THSD7A: variants seen among roughly 807,000 people sequenced by gnomAD.
The protein encoded by THSD7A is thrombospondin type 1 domain containing 7A.
THSD7A carries 96 observed loss-of-function variants against 231.3 expected under a neutral mutation model. The observed-to-expected ratio is 0.41, with a 90% CI of 0.35 to 0.49. The LOEUF is 0.49. THSD7A is among the 20% of genes least tolerant of loss of function. The probability of loss-of-function intolerance (pLI) is 0.05; values close to 1 mark genes in which losing one functional copy is unlikely to be tolerated. For synonymous variants in THSD7A, 940 were observed against 743.3 expected, an observed-to-expected ratio of 1.26 and a Z score of -4.30; for missense variants, 2,290 against 2,070.2, an observed-to-expected ratio of 1.11 and a Z score of -2.06.
intron 6 of THSD7A, among the ~76,000 whole-genome samples, chr7:11,491,645 G>T (rs557017258): frequency 9.2e-4 from 140 of 152,220 alleles, no homozygotes; most frequent in African/African-American, 3.0e-3. Context: ...CATTTGAAGA[G>T]TTAATCAATA....
chr7:11,777,804 C>A (rs1330224547), intron 1 of THSD7A, among the ~76,000 whole-genome samples: 2 of 152,072 alleles, frequency 1.3e-5, no homozygotes, highest in African/African-American at 4.8e-5. Flanking sequence ...TAAATTATAA[C>A]CCTGAATGTA....
At chr7:11,412,520 G>T in intron 18 of THSD7A, 136 bp downstream of exon 18, 1 of 1,002,000 alleles carries the variant, frequency 1.0e-6, no homozygotes, top group Non-Finnish European at 1.4e-6. Context: ...CATTTAATAT[G>T]TAATTATTTC....
At chr7:11,398,824 G>A (rs144555685) in intron 23 of THSD7A, among the ~76,000 whole-genome samples, 19 of 152,296 alleles carry the variant, frequency 1.2e-4, no homozygotes, top group African/African-American at 4.3e-4. Flanking sequence ...ACATTTATTA[G>A]TTAACAAAAG....
intron 9 of THSD7A, among the ~76,000 whole-genome samples, chr7:11,465,175 C>A (rs1347678121): frequency 1.3e-5 from 2 of 152,128 alleles, no homozygotes; most frequent in African/African-American, 4.8e-5. Flanking sequence ...GCTGAACGCA[C>A]AAACACATTT....
chr7:11,430,781 T>C (rs971556240), intron 13 of THSD7A, among the ~76,000 whole-genome samples: 11 of 152,158 alleles, frequency 7.2e-5, no homozygotes, highest in African/African-American at 2.4e-5. Flanking sequence ...TTCTTTCACT[T>C]AGTATAATGT....
chr7:11,598,304 G>A (rs1449867585), intron 2 of THSD7A, among the ~76,000 whole-genome samples: 4 of 152,242 alleles, frequency 2.6e-5, no homozygotes, highest in Non-Finnish European at 5.9e-5. Context: ...CAACAACTGT[G>A]AAGATATTTG....
intron 6 of THSD7A, among the ~76,000 whole-genome samples, chr7:11,497,005 G>A (rs201681410): frequency 6.6e-6 from 1 of 152,098 alleles, no homozygotes; most frequent in African/African-American, 2.4e-5. Flanking sequence ...GGAGATACCC[G>A]AGATGGGGTA....
chr7:11,596,622 G>C (rs888742681), intron 2 of THSD7A, among the ~76,000 whole-genome samples: 3 of 152,174 alleles, frequency 2.0e-5, no homozygotes, highest in African/African-American at 7.2e-5. Flanking sequence ...TAGCTGGAGG[G>C]ATTGAGGAGA....
At chr7:11,666,018 A>C (rs749145828) in intron 1 of THSD7A, among the ~76,000 whole-genome samples, 3 of 152,132 alleles carry the variant, frequency 2.0e-5, no homozygotes, top group African/African-American at 7.2e-5. Context: ...GGTGACAGGT[A>C]ATTTTACTAC....
At position 11,446,455 on chromosome 7, in the gene THSD7A, C is replaced by G; in HGVS notation, c.2801-131G>C. On this transcript the variant is annotated intron_variant, in intron 12 of 27. Coordinates refer to ENST00000423059, the MANE Select transcript of THSD7A (RefSeq NM_015204.3). This position sits in a 1 kb window ranked among gnomAD's most constrained non-coding sequence, Gnocchi z 4.0. The stretch of plus-strand genomic sequence containing the variant: ...CCATATTTAACAGTAGCCTATAAAT[C>G]AATGCTATTTTCTCATTCCACAGTG... 1 of 1,060,702 alleles carries G rather than the reference C, an allele frequency of 9.4e-7. No individual in the cohort carries two copies. Among genetic ancestry groups the G allele is most frequent in the Non-Finnish European group, 1.4e-6 (1 of 737,000 alleles). The allele number at this position is 1,060,702 out of a possible 1,614,324, so 65.7% of individuals were successfully genotyped here.
At chr7:11,678,443 C>T (rs925744166) in intron 1 of THSD7A, among the ~76,000 whole-genome samples, 3 of 151,918 alleles carry the variant, frequency 2.0e-5, no homozygotes, top group Non-Finnish European at 4.4e-5. Flanking sequence ...AATAGATAGA[C>T]CGCTAGCCTG....
At chr7:11,484,644 G>A (rs1449872039) in intron 6 of THSD7A, among the ~76,000 whole-genome samples, 3 of 152,092 alleles carry the variant, frequency 2.0e-5, no homozygotes, top group Non-Finnish European at 2.9e-5. Context: ...TGCCCGACAC[G>A]TAGGAAGCAC....
intron 11 of THSD7A, among the ~76,000 whole-genome samples, chr7:11,450,853 T>A (rs1681143929): frequency 6.6e-6 from 1 of 151,984 alleles, no homozygotes; most frequent in South Asian, 2.1e-4. Context: ...CATGTTACCC[T>A]ACAGATAATT....
intron 1 of THSD7A, among the ~76,000 whole-genome samples, chr7:11,796,033 CATATATATATATATATATATATAT>C (rs6149988): frequency 0.27 from 29,297 of 107,888 alleles, 3,877 homozygotes; most frequent in South Asian, 0.42. Context: ...TTAAATTAGC[CATATATATATATATATATATATAT>C]ATATATATAT....
chr7:11,561,233 T>C (rs567827232), intron 4 of THSD7A, among the ~76,000 whole-genome samples: 163 of 152,298 alleles, frequency 1.1e-3, no homozygotes, highest in Non-Finnish European at 2.1e-3. Context: ...ATATGCATAT[T>C]TATTTAATAT....
intron 22 of THSD7A, among the ~76,000 whole-genome samples, chr7:11,402,936 G>A (rs1313597958): frequency 2.0e-5 from 3 of 152,120 alleles, no homozygotes; most frequent in Admixed American, 1.3e-4. Context: ...GTCTTTTGAT[G>A]AACTTATATA....
chr7:11,781,067 A>G (rs1022367178), intron 1 of THSD7A, among the ~76,000 whole-genome samples: 15 of 150,142 alleles, frequency 1.0e-4, no homozygotes, highest in African/African-American at 3.4e-4. Context: ...AAGCAATGAA[A>G]TATCACAGAG....
intron 4 of THSD7A, 44 bp from the exon 5 acceptor site, chr7:11,543,161 A>G: frequency 6.4e-7 from 1 of 1,552,174 alleles, no homozygotes; most frequent in South Asian, 1.2e-5. Context: ...AACAAAAGGA[A>G]CATATATGGC....
intron 1 of THSD7A, among the ~76,000 whole-genome samples, chr7:11,764,943 G>C (rs1258510813): frequency 6.6e-6 from 1 of 152,052 alleles, no homozygotes; most frequent in East Asian, 1.9e-4. Context: ...AGTAGAAATG[G>C]TTTAAAATCT....
Sources: gnomAD v4.1 joint callset for allele counts (sites outside exome capture counted in the v4.1 genomes callset) on GRCh38, gnomAD v4.1.1 for gene constraint, Gnocchi (gnomAD v3.1) non-coding constraint, MANE v1.5 for transcripts, NCBI Gene and HGNC (gene_info 2026-07-23, HGNC 2026-07-21) for gene names.